RBFOX1: variants seen among roughly 807,000 people sequenced by gnomAD.
RBFOX1 encodes RNA binding protein fox-1 homolog 1.
Under a neutral mutation model 57.7 loss-of-function variants are expected in RBFOX1, and 8 were observed. That is an observed-to-expected ratio of 0.14 (90% CI 0.08 to 0.25). The LOEUF (loss-of-function observed/expected upper bound fraction) is 0.25. Ranked by LOEUF, RBFOX1 falls within the 10% of genes least tolerant of loss-of-function variation. The pLI is 1.00. For missense variants in RBFOX1, 611 were observed against 548.5 expected, an observed-to-expected ratio of 1.11 and a Z score of -1.14; for synonymous variants, 326 against 222.4, an observed-to-expected ratio of 1.47 and a Z score of -4.15.
intron 10 of RBFOX1, among the ~76,000 whole-genome samples, chr16:7,619,634 C>G (rs2141960830): frequency 6.6e-6 from 1 of 152,232 alleles, no homozygotes; most frequent in South Asian, 2.1e-4. Flanking sequence ...CCTGTCTAGA[C>G]AGCTTTTTAG....
chr16:6,939,578 T>G (rs2077991344), intron 3 of RBFOX1, among the ~76,000 whole-genome samples: 1 of 151,698 alleles, frequency 6.6e-6, no homozygotes, highest in African/African-American at 2.4e-5. Context: ...TGGGAGTGAT[T>G]TCAGCTCACT....
At chr16:7,085,596 C>G (rs927029299) in intron 4 of RBFOX1, among the ~76,000 whole-genome samples, 1 of 152,018 alleles carries the variant, frequency 6.6e-6, no homozygotes, top group Admixed American at 6.6e-5. Flanking sequence ...CATATGCCTG[C>G]AAAATTTTAA....
chr16:6,930,994 C>G (rs531240148), intron 3 of RBFOX1, among the ~76,000 whole-genome samples: 1 of 151,850 alleles, frequency 6.6e-6, no homozygotes, highest in Non-Finnish European at 1.5e-5. Context: ...TATTTCCTAT[C>G]TTCTCCTTTC....
chr16:5,579,889 A>G (rs553121545), intron 2 of RBFOX1, among the ~76,000 whole-genome samples: 5 of 151,806 alleles, frequency 3.3e-5, no homozygotes, highest in Admixed American at 2.0e-4. Flanking sequence ...CCTCCCAAGT[A>G]GCTGGGATTA....
intron 1 of RBFOX1, among the ~76,000 whole-genome samples, chr16:6,184,957 G>C (rs1433721470): frequency 2.0e-5 from 3 of 152,212 alleles, no homozygotes; most frequent in Non-Finnish European, 4.4e-5. Flanking sequence ...GGGAAAGAGA[G>C]AGAGAAGAAG....
In RBFOX1 at chr16:5,665,136, G is replaced by A. The variant is rs562545549; in HGVS notation, c.318+66175G>A. 1.7e-4 allele frequency among the ~76,000 whole-genome samples: 24 copies of A among 142,532 alleles called. 1 individual carries two copies. The highest frequency in any genetic ancestry group is 3.1e-4 in the Non-Finnish European group (20 of 63,514). The allele number at this position is 142,532 out of a possible 152,430, so 93.5% of individuals were successfully genotyped here. ...AACTTTTTGATATTTTTACATGGGG[G>A]GGGGCGGTCTTGCTATATTGCCCAG... On this transcript the variant is annotated intron_variant, in intron 3 of 19. Coordinates refer to the RBFOX1 transcript ENST00000641259.
At chr16:6,168,336 T>G (rs1047809932) in intron 1 of RBFOX1, among the ~76,000 whole-genome samples, 3 of 152,224 alleles carry the variant, frequency 2.0e-5, no homozygotes, top group Non-Finnish European at 4.4e-5. Context: ...TTTCAACTTG[T>G]GCTTGTTTTC....
At chr16:6,265,451 G>A (rs950154703) in intron 1 of RBFOX1, among the ~76,000 whole-genome samples, 7 of 151,904 alleles carry the variant, frequency 4.6e-5, no homozygotes, top group Middle Eastern at 3.2e-3. Context: ...TAGTAGAGAC[G>A]GGGTTTCACC....
chr16:5,684,382 C>T (rs1482110596), intron 3 of RBFOX1, among the ~76,000 whole-genome samples: 1 of 152,172 alleles, frequency 6.6e-6, no homozygotes, highest in African/African-American at 2.4e-5. Context: ...ATGGATGTCT[C>T]TGCTTCACCA....
chr16:6,658,945 G>GT (rs778640073), intron 3 of RBFOX1, among the ~76,000 whole-genome samples: 3,923 of 139,364 alleles, frequency 0.028, 173 homozygotes, highest in African/African-American at 0.094. Context: ...TGTTTTTTTT[G>GT]TTTTTTTTTT....
intron 4 of RBFOX1, among the ~76,000 whole-genome samples, chr16:7,281,010 TCCTTCCTTCC>T: frequency 8.0e-6 from 1 of 125,418 alleles, no homozygotes; most frequent in East Asian, 2.9e-4. Context: ...CTTCCTTCCT[TCCTTCCTTCC>T]GAGACAGAGT....
chr16:5,577,572 C>T (rs1284873318), intron 2 of RBFOX1, among the ~76,000 whole-genome samples: 1 of 152,128 alleles, frequency 6.6e-6, no homozygotes, highest in East Asian at 1.9e-4. Context: ...GAATGTGCCC[C>T]ACAAATGATT....
intron 2 of RBFOX1, among the ~76,000 whole-genome samples, chr16:6,518,197 A>G (rs1383566238): frequency 3.3e-5 from 5 of 152,216 alleles, no homozygotes; most frequent in African/African-American, 1.2e-4. Flanking sequence ...AATAAACTTG[A>G]TAAGGTTTTA....
intron 3 of RBFOX1, among the ~76,000 whole-genome samples, chr16:6,893,364 A>G (rs1361379871): frequency 1.3e-5 from 2 of 152,190 alleles, no homozygotes; most frequent in African/African-American, 2.4e-5. Flanking sequence ...TCAAGTCACA[A>G]AAGCACAAGA....
intron 3 of RBFOX1, among the ~76,000 whole-genome samples, chr16:6,782,864 G>T (rs1015909567): frequency 6.6e-6 from 1 of 152,068 alleles, no homozygotes; most frequent in African/African-American, 2.4e-5. Context: ...GCTGGGGTCT[G>T]TTTCTCTCTT....
chr16:7,103,202 G>C (rs1464361519), intron 4 of RBFOX1, among the ~76,000 whole-genome samples: 5 of 152,100 alleles, frequency 3.3e-5, no homozygotes, highest in African/African-American at 9.7e-5. Context: ...TTTTTAAAGA[G>C]GGGATAAAAA....
At chr16:5,721,267 A>G (rs144027865) in intron 3 of RBFOX1, among the ~76,000 whole-genome samples, 1 of 152,282 alleles carries the variant, frequency 6.6e-6, no homozygotes, top group East Asian at 1.9e-4. Flanking sequence ...ACTAGTGTGA[A>G]GGAATACAGC....
intron 2 of RBFOX1, among the ~76,000 whole-genome samples, chr16:6,411,382 A>T (rs902404264): frequency 6.6e-6 from 1 of 152,174 alleles, no homozygotes; most frequent in South Asian, 2.1e-4. Context: ...TATGTTTATG[A>T]CTGCTGTTTT....
intron 1 of RBFOX1, among the ~76,000 whole-genome samples, chr16:6,085,136 C>A (rs2152517341): frequency 6.6e-6 from 1 of 152,230 alleles, no homozygotes; most frequent in East Asian, 1.9e-4. Context: ...CTTATTTCTG[C>A]TACTGTGCAT....
Sources: gnomAD v4.1 joint callset for allele counts (sites outside exome capture counted in the v4.1 genomes callset) on GRCh38, gnomAD v4.1.1 for gene constraint, MANE v1.5 for transcripts, NCBI Gene and HGNC (gene_info 2026-07-23, HGNC 2026-07-21) for gene names.